The following AUTS2 variants were observed in gnomAD, a reference collection of about 807,000 sequenced individuals.
AUTS2 encodes autism susceptibility gene 2 protein.
A neutral mutation model predicts 112.4 loss-of-function variants in AUTS2; 17 were observed. The observed-to-expected ratio is 0.15, with a 90% CI of 0.10 to 0.23. AUTS2 has a LOEUF of 0.23. Ranked by LOEUF, AUTS2 falls within the 10% of genes least tolerant of loss-of-function variation. The pLI, the probability that AUTS2 is intolerant of heterozygous loss-of-function variation, is 1.00. For missense variants in AUTS2, 1,510 were observed against 1,701.6 expected (o/e 0.89, Z 1.98); for synonymous variants, 751 against 702.7 (o/e 1.07, Z -1.09).
At chr7:69,658,906 T>G (rs181305405) in intron 1 of AUTS2, among the ~76,000 whole-genome samples, 5 of 152,360 alleles carry the variant, frequency 3.3e-5, no homozygotes, top group African/African-American at 1.2e-4. Flanking sequence ...TGAAATTGTT[T>G]AGTGAATTAA....
At chr7:70,413,914 A>G (rs1233346200) in intron 4 of AUTS2, among the ~76,000 whole-genome samples, 1 of 152,086 alleles carries the variant, frequency 6.6e-6, no homozygotes, top group South Asian at 2.1e-4. Context: ...GGCTCAAGCA[A>G]TATGCCCGCC....
intron 1 of AUTS2, among the ~76,000 whole-genome samples, chr7:69,876,543 T>G (rs1318984860): frequency 1.3e-5 from 1 of 78,382 alleles, no homozygotes; most frequent in Non-Finnish European, 2.4e-5. Flanking sequence ...TATATATATA[T>G]ATTTTCAGTG....
Position 70,775,355 on chromosome 7 carries a change from A to G in AUTS2, c.1903-2A>G, listed in dbSNP as rs766905397. The stretch of plus-strand genomic sequence containing the variant: ...AACCAAGTTGTCATTTTCTCTTCAC[A>G]GTTGACAGATCCTTTCAGACCTATG... On this transcript the variant is annotated splice_acceptor_variant, in intron 12 of 18. Coordinates refer to ENST00000342771, the MANE Select transcript of AUTS2 (RefSeq NM_015570.4). LOFTEE classifies it high-confidence loss of function. 6.2e-7 allele frequency: 1 copy of G among 1,612,978 alleles called. No homozygotes were observed. Among genetic ancestry groups the G allele is most frequent in the Non-Finnish European group, 8.5e-7 (1 of 1,179,618 alleles).
intron 5 of AUTS2, among the ~76,000 whole-genome samples, chr7:70,466,033 G>A (rs541483252): frequency 1.3e-5 from 2 of 152,268 alleles, no homozygotes; most frequent in African/African-American, 2.4e-5. Context: ...CCAGGAACAC[G>A]GTGGAGAGAA....
chr7:70,365,288 G>C (rs762341161), intron 4 of AUTS2, among the ~76,000 whole-genome samples: 7 of 152,128 alleles, frequency 4.6e-5, no homozygotes, highest in Non-Finnish European at 8.8e-5. Context: ...ATAGCATTTA[G>C]AATAATGTTT....
chr7:70,365,067 G>T (rs1455179823), intron 4 of AUTS2, among the ~76,000 whole-genome samples: 3 of 152,150 alleles, frequency 2.0e-5, no homozygotes, highest in African/African-American at 7.2e-5. Context: ...AAAAGGATTA[G>T]TAGGAATTTT....
In AUTS2 at chr7:70,271,301, CT is replaced by C. The variant is rs372405382; in HGVS notation, c.660+136735del. On this transcript the variant is annotated intron_variant, in intron 4 of 18. Coordinates refer to ENST00000342771, the MANE Select transcript of AUTS2 (RefSeq NM_015570.4). ...TGCTTTTCTTCAATTGCCATTGTAT[CT>C]TTTTGCCCCTTCCAAAGTCTTACCA... 5.5e-3 allele frequency among the ~76,000 whole-genome samples: 843 copies of C among 152,166 alleles called. 3 individuals carry two copies. Among genetic ancestry groups the C allele is most frequent in the Non-Finnish European group, 9.3e-3 (632 of 67,994 alleles).
chr7:70,255,870 G>A (rs556191512), intron 4 of AUTS2, among the ~76,000 whole-genome samples: 1 of 152,282 alleles, frequency 6.6e-6, no homozygotes, highest in East Asian at 1.9e-4. Context: ...ACAGAGTAAG[G>A]CCTAGATTTA....
chr7:70,762,078 A>G (rs1474574506), intron 6 of AUTS2, among the ~76,000 whole-genome samples: 2 of 152,198 alleles, frequency 1.3e-5, no homozygotes, highest in Non-Finnish European at 2.9e-5. Context: ...CTTTGGTCAA[A>G]ATGGAAAGTG....
At chr7:69,726,206 C>G (rs928434490) in intron 1 of AUTS2, among the ~76,000 whole-genome samples, 1 of 152,138 alleles carries the variant, frequency 6.6e-6, no homozygotes, top group Non-Finnish European at 1.5e-5. Context: ...AATTCCTGCC[C>G]ACCCCTCCCA....
At chr7:69,843,631 C>T (rs961446634) in intron 1 of AUTS2, among the ~76,000 whole-genome samples, 1 of 152,140 alleles carries the variant, frequency 6.6e-6, no homozygotes, top group African/African-American at 2.4e-5. Context: ...TGGTTGATGG[C>T]TGACCTGGTT....
At chr7:69,874,213 T>C (rs1255415848) in intron 1 of AUTS2, among the ~76,000 whole-genome samples, 1 of 146,298 alleles carries the variant, frequency 6.8e-6, no homozygotes, top group East Asian at 2.0e-4. Context: ...GGCAACATAG[T>C]GAGACCGTGT....
chr7:69,913,989 T>C (rs932504868), intron 2 of AUTS2, among the ~76,000 whole-genome samples: 1 of 152,210 alleles, frequency 6.6e-6, no homozygotes, highest in Non-Finnish European at 1.5e-5. Flanking sequence ...AATGTCATCT[T>C]TCATAGGGGC....
intron 15 of AUTS2, chr7:70,784,718 A>C (rs952269232): frequency 5.4e-6 from 3 of 555,694 alleles, no homozygotes; most frequent in African/African-American, 3.9e-5. Flanking sequence ...AAAGAGAAAG[A>C]GGGATGATTG....
intron 2 of AUTS2, among the ~76,000 whole-genome samples, chr7:69,919,437 A>G (rs541357377): frequency 6.6e-6 from 1 of 152,340 alleles, no homozygotes; most frequent in African/African-American, 2.4e-5. Flanking sequence ...CTTTGAATTC[A>G]TTTGATCACT....
At chr7:70,298,849 A>G (rs1002057707) in intron 4 of AUTS2, among the ~76,000 whole-genome samples, 1 of 152,132 alleles carries the variant, frequency 6.6e-6, no homozygotes, top group Non-Finnish European at 1.5e-5. Flanking sequence ...TTCTCACACC[A>G]CTTGTGGTTT....
Position 70,069,266 on chromosome 7 carries a change from A to T in AUTS2, c.523-48866A>T, listed in dbSNP as rs143764458. 1.4e-4 allele frequency among the ~76,000 whole-genome samples: 22 copies of T among 152,326 alleles called. No individual in the cohort carries two copies. In the East Asian group the frequency reaches 4.2e-3, roughly 29 times the overall value. On this transcript the variant is annotated intron_variant, in intron 2 of 18. Transcript: ENST00000342771. ...TACTCATTGTGGTGTTTGTGATCAG[A>T]CAACCCTTGCTTTGGAATCACTCTT...
Position 69,735,392 on chromosome 7 carries a change from C to T in AUTS2, c.309+135430C>T, listed in dbSNP as rs538243556. Among the ~76,000 whole-genome samples the T allele has an allele frequency of 1.9e-4, 29 of 152,140 alleles. No individual in the cohort carries two copies. The East Asian group carries it at 4.2e-3, about 22-fold the overall frequency. The stretch of plus-strand genomic sequence containing the variant: ...ATTCTGGTGGCCCTGCAGAGCAGAC[C>T]GGGGACTGATGAATGGATGCTGTGG... On this transcript the variant is annotated intron_variant, in intron 1 of 18. Coordinates refer to ENST00000342771, the MANE Select transcript of AUTS2 (RefSeq NM_015570.4).
At chr7:69,690,952 C>G (rs1797317260) in intron 1 of AUTS2, among the ~76,000 whole-genome samples, 1 of 151,978 alleles carries the variant, frequency 6.6e-6, no homozygotes, top group Non-Finnish European at 1.5e-5. Context: ...TAGCTCCCTT[C>G]CACAGCAGGT....
Sources: allele counts gnomAD v4.1 joint callset (sites outside exome capture counted in the v4.1 genomes callset), GRCh38; gene constraint gnomAD v4.1.1; transcripts MANE v1.5; gene names NCBI Gene and HGNC (gene_info 2026-07-23, HGNC 2026-07-21).